SRGAP1: variants seen among roughly 807,000 people sequenced by gnomAD.
SRGAP1 encodes SLIT-ROBO Rho GTPase activating protein 1.
In SRGAP1, 43 loss-of-function variants were observed where a neutral mutation model predicts 121.9. That is an observed-to-expected ratio of 0.35 (90% CI 0.28 to 0.46). SRGAP1 has a LOEUF of 0.46. SRGAP1 is among the 20% of genes least tolerant of loss of function. SRGAP1 has a pLI of 1.00. For missense variants in SRGAP1, 1,102 were observed against 1,350.9 expected, an observed-to-expected ratio of 0.82 and a Z score of 2.89; for synonymous variants, 447 against 485.4, an observed-to-expected ratio of 0.92 and a Z score of 1.04.
chr12:63,871,896 A>G (rs1899866009), intron 1 of SRGAP1: 1 of 1,471,588 alleles, frequency 6.8e-7, no homozygotes, highest in East Asian at 2.3e-5. Context: ...CTTCCAGAAA[A>G]TTGGCTTTGT....
chr12:64,008,142 T>A (rs1219393896), intron 3 of SRGAP1, among the ~76,000 whole-genome samples: 1 of 152,214 alleles, frequency 6.6e-6, no homozygotes, highest in East Asian at 1.9e-4. Flanking sequence ...TATACTGTGA[T>A]CTTTCCCTAT....
At position 64,147,658 on chromosome 12, in the gene SRGAP1, A is replaced by G; in HGVS notation, c.*4986A>G. On this transcript the variant is annotated 3_prime_UTR_variant, in exon 22 of 22. Transcript: ENST00000355086. ...TCATTCCCTCCTCTCTGAGGTGAAA[A>G]TAAAGGGGGATGCTTTTACAGTCTG... 1 of 398,624 alleles carries G rather than the reference A, an allele frequency of 2.5e-6. No homozygotes were observed. The highest frequency in any genetic ancestry group is 4.4e-6 in the Non-Finnish European group (1 of 226,080). The allele number at this position is 398,624 out of a possible 1,614,324, so 24.7% of individuals were successfully genotyped here.
intron 1 of SRGAP1, among the ~76,000 whole-genome samples, chr12:63,859,400 C>G (rs1241682189): frequency 2.0e-5 from 3 of 152,126 alleles, no homozygotes; most frequent in South Asian, 2.1e-4. Flanking sequence ...CTCGTGGCCT[C>G]AAATGATACA....
At chr12:63,860,765 T>G (rs1477159763) in intron 1 of SRGAP1, among the ~76,000 whole-genome samples, 3 of 152,182 alleles carry the variant, frequency 2.0e-5, no homozygotes, top group African/African-American at 7.2e-5. Flanking sequence ...TATTGTATTT[T>G]CTGTTTCATT....
intron 3 of SRGAP1, among the ~76,000 whole-genome samples, chr12:63,999,598 C>T (rs993619161): frequency 2.0e-5 from 3 of 151,946 alleles, no homozygotes; most frequent in Non-Finnish European, 4.4e-5. Context: ...GAGGTGACAC[C>T]CAGGCTTGGG....
At chr12:64,003,069 A>G (rs2033954524) in intron 3 of SRGAP1, among the ~76,000 whole-genome samples, 1 of 25,152 alleles carries the variant, frequency 4.0e-5, no homozygotes, top group Non-Finnish European at 7.5e-5. Context: ...AAAGAAAGGG[A>G]GGGAGGGAGG....
intron 1 of SRGAP1, among the ~76,000 whole-genome samples, chr12:63,866,845 G>A (rs1482034047): frequency 1.3e-5 from 2 of 151,770 alleles, no homozygotes; most frequent in Non-Finnish European, 2.9e-5. Flanking sequence ...GGAGATAAGG[G>A]AGGAGATAAG....
intron 21 of SRGAP1, among the ~76,000 whole-genome samples, chr12:64,138,747 C>T (rs1168760823): frequency 6.6e-6 from 1 of 151,980 alleles, no homozygotes; most frequent in African/African-American, 2.4e-5. Context: ...TTACTGACTA[C>T]ACTAGAAGAC....
At chr12:64,042,685 A>AT in intron 4 of SRGAP1, 105 bp from the exon 5 acceptor site, 1 of 754,282 alleles carries the variant, frequency 1.3e-6, no homozygotes. Context: ...CCCCTCTGCC[A>AT]TTTGGAAGGT....
In SRGAP1 at chr12:64,147,363, CACCT is replaced by C; in HGVS notation, c.*4692_*4695del. On this transcript the variant is annotated 3_prime_UTR_variant, in exon 22 of 22. Coordinates refer to ENST00000355086, the MANE Select transcript of SRGAP1 (RefSeq NM_020762.4). ...GTTGCCCCGCTCTGTGCCCCACCCC[CACCT>C]CCTCCTCCCAATTCCTGCTGCCCAC... 3.7e-6 allele frequency: 1 copy of C among 269,056 alleles called. No individual in the cohort carries two copies. The allele number at this position is 269,056 out of a possible 1,614,324, so 16.7% of individuals were successfully genotyped here.
At position 64,152,439 on chromosome 12, in the gene SRGAP1, G is replaced by C. The variant is rs553520268; in HGVS notation, c.*9767G>C. On this transcript the variant is annotated 3_prime_UTR_variant, in exon 22 of 22. Transcript: ENST00000355086. Reference sequence around the variant, plus strand: ...ACGTGGGTCCCCACTGCTGCAGGACGGCATACTACTGTGTCTTATTCATCT... The same window carrying C: ...ACGTGGGTCCCCACTGCTGCAGGACCGCATACTACTGTGTCTTATTCATCT... The C allele has an allele frequency of 6.6e-6, 1 of 152,178 alleles. No individual in the cohort carries two copies. The highest frequency in any genetic ancestry group is 1.5e-5 in the Non-Finnish European group (1 of 68,064). 9.4% of individuals were successfully genotyped at this position (152,178 alleles called of 1,614,324 possible). A position where few individuals can be genotyped will look rare whatever the true frequency, so the allele number is the denominator to read the frequency against.
intron 1 of SRGAP1, among the ~76,000 whole-genome samples, chr12:63,900,086 T>C (rs1900885992): frequency 6.6e-6 from 1 of 152,216 alleles, no homozygotes; most frequent in Admixed American, 6.5e-5. Flanking sequence ...TCCAATGGAC[T>C]ATTCTACCTT....
In SRGAP1 at chr12:64,150,934, C is replaced by CAAAAAAAAAAAAAAAAAAAAAAAAAA. The variant is rs750351170; in HGVS notation, c.*8263_*8288dup. Reference sequence around the variant, plus strand: ...TGGGTGGAAGAGTGAGAAGCTATCTCAAAAAAAAAAAAAAAAAAAAAAAAA... The same window carrying CAAAAAAAAAAAAAAAAAAAAAAAAAA: ...TGGGTGGAAGAGTGAGAAGCTATCTCAAAAAAAAAAAAAAAAAAAAAAAAAAAAAAAAAAAAAAAAAAAAAAAAAAA... On this transcript the variant is annotated 3_prime_UTR_variant, in exon 22 of 22. Coordinates refer to ENST00000355086, the MANE Select transcript of SRGAP1 (RefSeq NM_020762.4). 7 of 24,718 alleles carry CAAAAAAAAAAAAAAAAAAAAAAAAAA rather than the reference C, an allele frequency of 2.8e-4. 3 individuals carry two copies. Among genetic ancestry groups the CAAAAAAAAAAAAAAAAAAAAAAAAAA allele is most frequent in the Non-Finnish European group, 6.2e-4 (6 of 9,648 alleles). 1.5% of individuals were successfully genotyped at this position (24,718 alleles called of 1,614,324 possible). A position where few individuals can be genotyped will look rare whatever the true frequency, so the allele number is the denominator to read the frequency against.
intron 6 of SRGAP1, among the ~76,000 whole-genome samples, chr12:64,049,184 G>A (rs539241828): frequency 3.3e-5 from 5 of 152,290 alleles, no homozygotes; most frequent in African/African-American, 9.6e-5. Flanking sequence ...TCTGTGTATA[G>A]TGAGAGATAG....
intron 1 of SRGAP1, among the ~76,000 whole-genome samples, chr12:63,973,185 A>T (rs1274536383): frequency 6.6e-6 from 1 of 152,022 alleles, no homozygotes; most frequent in Non-Finnish European, 1.5e-5. Flanking sequence ...ATGACACTAG[A>T]CCCTTGGCAC....
chr12:64,029,692 T>C (rs2034730560), intron 4 of SRGAP1, among the ~76,000 whole-genome samples: 1 of 152,096 alleles, frequency 6.6e-6, no homozygotes, highest in Admixed American at 6.5e-5. Flanking sequence ...TAGCAAATCA[T>C]TGATGTAAAA....
In SRGAP1 at chr12:64,086,735, A is replaced by C. The variant is rs927374480; in HGVS notation, c.1409-264A>C. Among the ~76,000 whole-genome samples the C allele has an allele frequency of 4.3e-4, 66 of 151,896 alleles. 1 individual carries two copies. The highest frequency in any genetic ancestry group is 2.7e-3 in the Admixed American group (41 of 15,268). ...TGTTTCTTTTCTGAAAAAAAAAAAA[A>C]AAAAAAACACAGCCTCAAATTGCCA... On this transcript the variant is annotated intron_variant, in intron 10 of 21. Coordinates refer to ENST00000355086, the MANE Select transcript of SRGAP1 (RefSeq NM_020762.4).
chr12:64,007,791 A>G (rs183551159), intron 3 of SRGAP1, among the ~76,000 whole-genome samples: 8 of 152,276 alleles, frequency 5.3e-5, no homozygotes, highest in Admixed American at 2.6e-4. Context: ...TCTCACATCT[A>G]GAATTCTGCT....
intron 3 of SRGAP1, among the ~76,000 whole-genome samples, chr12:64,005,096 ATAT>A (rs2034039237): frequency 6.6e-6 from 1 of 152,238 alleles, no homozygotes; most frequent in Non-Finnish European, 1.5e-5. Flanking sequence ...AAGAAAAAAA[ATAT>A]TATTGTGAGT....
Sources: gnomAD v4.1 joint callset for allele counts (sites outside exome capture counted in the v4.1 genomes callset) on GRCh38, gnomAD v4.1.1 for gene constraint, MANE v1.5 for transcripts, NCBI Gene and HGNC (gene_info 2026-07-23, HGNC 2026-07-21) for gene names.